Variants in ITIH5 observed in about 807,000 individuals in gnomAD.
ITIH5 encodes inter-alpha-trypsin inhibitor heavy chain 5.
A neutral mutation model predicts 77.5 loss-of-function variants in ITIH5; 65 were observed. The ratio of observed to expected loss-of-function variants is 0.84; its 90% CI spans 0.69 to 1.03. ITIH5 has a LOEUF of 1.03. Among genes scored for constraint, ITIH5 ranks in the 50% least tolerant of loss-of-function variants. The probability of loss-of-function intolerance (pLI) is 0.00; values close to 1 mark genes in which losing one functional copy is unlikely to be tolerated. For missense variants in ITIH5, 1,208 were observed against 1,213.1 expected, an observed-to-expected ratio of 1.00 and a Z score of 0.06; for synonymous variants, 525 against 494.3, an observed-to-expected ratio of 1.06 and a Z score of -0.82.
chr10:7,660,608 T>C (rs1208486426), intron 1 of ITIH5, among the ~76,000 whole-genome samples: 2 of 152,190 alleles, frequency 1.3e-5, no homozygotes, highest in African/African-American at 4.8e-5. Context: ...GCCGCTTAAA[T>C]GTTTATAATT....
intron 7 of ITIH5, among the ~76,000 whole-genome samples, chr10:7,592,636 C>A (rs1253999406): frequency 6.6e-6 from 1 of 152,186 alleles, no homozygotes; most frequent in Non-Finnish European, 1.5e-5. Flanking sequence ...AGAGGATGTG[C>A]AGGAAGCTCC....
At chr10:7,647,120 C>G (rs1834019939) in intron 2 of ITIH5, among the ~76,000 whole-genome samples, 1 of 152,128 alleles carries the variant, frequency 6.6e-6, no homozygotes, top group Non-Finnish European at 1.5e-5. Flanking sequence ...ACCAGTTCTC[C>G]CATCATCCAT....
intron 5 of ITIH5, among the ~76,000 whole-genome samples, chr10:7,629,280 T>C (rs1833664517): frequency 8.2e-6 from 1 of 122,650 alleles, no homozygotes; most frequent in African/African-American, 3.4e-5. Context: ...TGTTGTAGCG[T>C]GTGTCCCTGT....
chr10:7,604,158 T>C (rs1833075459), intron 7 of ITIH5, among the ~76,000 whole-genome samples: 1 of 152,196 alleles, frequency 6.6e-6, no homozygotes, highest in Admixed American at 6.5e-5. Flanking sequence ...GCTTCCAGGC[T>C]ATTTGATTTG....
chr10:7,632,074 C>T (rs374071080), intron 5 of ITIH5, among the ~76,000 whole-genome samples: 5 of 151,948 alleles, frequency 3.3e-5, no homozygotes, highest in Middle Eastern at 6.8e-3. Context: ...ACTGGGATTA[C>T]AGGCATGAAC....
Position 7,666,880 on chromosome 10 carries a change from G to C in ITIH5, c.13C>G (p.Leu5Val). Reference protein sequence around the residue: MLLLLGLCLGLSLCV... With the variant: MLLLVGLCLGLSLCV... ...AGGGACAGCCCCAGGCACAGCCCCA[G>C]CAGCAGGAGCATGGCGGGGCGAGGG... The change falls in exon 1 of 14, where the codon CTG becomes GTG. Residue 5 changes from leucine (L) to valine (V), a missense_variant. By Grantham distance (32) the Leu-to-Val change is conservative. Transcript: ENST00000397146. 6.3e-7 allele frequency: 1 copy of C among 1,593,744 alleles called. No homozygotes were observed. The highest frequency in any genetic ancestry group is 8.5e-7 in the Non-Finnish European group (1 of 1,172,042).
intron 2 of ITIH5, among the ~76,000 whole-genome samples, chr10:7,643,710 G>A (rs147871768): frequency 1.3e-5 from 2 of 152,268 alleles, no homozygotes; most frequent in Admixed American, 6.5e-5. Context: ...TTTATTTACA[G>A]CCCTAGGCCT....
At chr10:7,643,904 TGA>T (rs1833926883) in intron 2 of ITIH5, among the ~76,000 whole-genome samples, 1 of 152,124 alleles carries the variant, frequency 6.6e-6, no homozygotes, top group African/African-American at 2.4e-5. Flanking sequence ...ACCAAAAGCT[TGA>T]GAGACATTTT....
chr10:7,664,539 T>C (rs1245388675), intron 1 of ITIH5, among the ~76,000 whole-genome samples: 1 of 152,138 alleles, frequency 6.6e-6, no homozygotes, highest in Non-Finnish European at 1.5e-5. Context: ...CCCAAGTGAC[T>C]TTTTCCACCC....
chr10:7,645,401 A>AAGC (rs1833995332), intron 2 of ITIH5, among the ~76,000 whole-genome samples: 1 of 152,156 alleles, frequency 6.6e-6, no homozygotes, highest in African/African-American at 2.4e-5. Context: ...GAAACTTGCT[A>AAGC]GAGATTCTCA....
At chr10:7,588,782 G>T (rs7069134) in intron 7 of ITIH5, among the ~76,000 whole-genome samples, 2 of 152,256 alleles carry the variant, frequency 1.3e-5, no homozygotes, top group African/African-American at 2.4e-5. Flanking sequence ...AGGCATATGC[G>T]GAGTGTACAG....
intron 5 of ITIH5, among the ~76,000 whole-genome samples, chr10:7,629,445 A>G (rs11814581): frequency 6.9e-6 from 1 of 144,446 alleles, no homozygotes; most frequent in Non-Finnish European, 1.5e-5. Context: ...TGTGGCATGC[A>G]TCCATGTTAT....
At chr10:7,578,193 C>T (rs974554310) in intron 9 of ITIH5, 2 of 161,302 alleles carry the variant, frequency 1.2e-5, no homozygotes, top group Non-Finnish European at 2.9e-5. Flanking sequence ...CAGGATCTAG[C>T]CTGTTACCAT....
intron 2 of ITIH5, among the ~76,000 whole-genome samples, chr10:7,644,443 CAT>C: frequency 1.4e-5 from 2 of 141,894 alleles, no homozygotes; most frequent in South Asian, 4.3e-4. Context: ...ATATATATCA[CAT>C]ATAGATCATA....
chr10:7,624,804 T>C (rs373833027), intron 5 of ITIH5, among the ~76,000 whole-genome samples: 176 of 14,524 alleles, frequency 0.012, no homozygotes, highest in East Asian at 0.035. Context: ...AAAAAATATA[T>C]ATATATATAC....
intron 7 of ITIH5, among the ~76,000 whole-genome samples, chr10:7,601,312 C>T (rs1833010758): frequency 6.6e-6 from 1 of 152,102 alleles, no homozygotes; most frequent in African/African-American, 2.4e-5. Flanking sequence ...AGGGCCAGCC[C>T]AGGGGGGTTC....
At chr10:7,643,129 A>G (rs1165531876) in intron 2 of ITIH5, among the ~76,000 whole-genome samples, 1 of 152,174 alleles carries the variant, frequency 6.6e-6, no homozygotes, top group Non-Finnish European at 1.5e-5. Flanking sequence ...ATGTGTGTGC[A>G]CCAAGAAAGA....
At chr10:7,651,962 A>G (rs1200228504) in intron 2 of ITIH5, among the ~76,000 whole-genome samples, 1 of 152,110 alleles carries the variant, frequency 6.6e-6, no homozygotes, top group Non-Finnish European at 1.5e-5. Context: ...ATCTTACCAC[A>G]CTCAATAGAA....
chr10:7,583,571 C>T lies in ITIH5; in HGVS notation c.1108+2330G>A, dbSNP rs1368222742. On this transcript the variant is annotated intron_variant, in intron 8 of 13. Transcript: ENST00000397146. Reference sequence around the variant, plus strand: ...CTGGTCTCGAGCTCCCGAGCTCAGGCAATCCACCCGCCTTGGCCTCCCAAA... The same window carrying T: ...CTGGTCTCGAGCTCCCGAGCTCAGGTAATCCACCCGCCTTGGCCTCCCAAA... 2.0e-5 allele frequency among the ~76,000 whole-genome samples: 3 copies of T among 152,112 alleles called. No individual in the cohort carries two copies. In the East Asian group the frequency reaches 5.8e-4, roughly 29 times the overall value.
Sources: allele counts gnomAD v4.1 joint callset (sites outside exome capture counted in the v4.1 genomes callset), GRCh38; gene constraint gnomAD v4.1.1; transcripts MANE v1.5; gene names NCBI Gene and HGNC (gene_info 2026-07-23, HGNC 2026-07-21).